AEBP2: variants seen among roughly 807,000 people sequenced by gnomAD.
The protein encoded by AEBP2 is AE binding protein 2.
A neutral mutation model predicts 50.8 loss-of-function variants in AEBP2; 10 were observed. That is an observed-to-expected ratio of 0.20 (90% CI 0.12 to 0.33). The LOEUF (loss-of-function observed/expected upper bound fraction) is 0.33. Among genes scored for constraint, AEBP2 ranks in the 10% least tolerant of loss-of-function variants. The pLI is 1.00. For missense variants in AEBP2, 570 were observed against 688.0 expected (o/e 0.83, Z 1.92); for synonymous variants, 296 against 261.3 (o/e 1.13, Z -1.28).
Position 19,411,602 on chromosome 12 carries a change from A to T in AEBP2, c.-17+7386A>T, listed in dbSNP as rs2095739257. Among the ~76,000 whole-genome samples, 5 of 152,228 alleles carry T rather than the reference A, an allele frequency of 3.3e-5. No homozygotes were observed. In the South Asian group the frequency reaches 1.0e-3, roughly 32 times the overall value. On this transcript the variant is annotated intron_variant, in intron 1 of 3. Transcript: ENST00000538425. ...AGTTAATCCATGTAAAGTTCTCAGAACAGTGCCTGGCACAAGTAAAGACTT... is the reference window on the plus strand; with the variant it reads ...AGTTAATCCATGTAAAGTTCTCAGATCAGTGCCTGGCACAAGTAAAGACTT...
At chr12:19,410,075 C>T (rs1432151129) in intron 1 of AEBP2, among the ~76,000 whole-genome samples, 1 of 152,152 alleles carries the variant, frequency 6.6e-6, no homozygotes, top group Non-Finnish European at 1.5e-5. Flanking sequence ...GGCAAGAAAA[C>T]AGAACATGTA....
intron 1 of AEBP2, among the ~76,000 whole-genome samples, chr12:19,410,283 T>C (rs1482999128): frequency 1.3e-5 from 2 of 152,218 alleles, no homozygotes; most frequent in South Asian, 2.1e-4. Context: ...CCCACTCTTA[T>C]ATGTGTACCC....
chr12:19,466,243 C>G (rs950419866), intron 2 of AEBP2, among the ~76,000 whole-genome samples: 1 of 152,018 alleles, frequency 6.6e-6, no homozygotes, highest in African/African-American at 2.4e-5. Context: ...GTTGGTAGAT[C>G]GCTTGAGCTC....
At chr12:19,488,294 T>A (rs1359809270) in intron 3 of AEBP2, among the ~76,000 whole-genome samples, 2 of 150,548 alleles carry the variant, frequency 1.3e-5, no homozygotes, top group African/African-American at 2.4e-5. Context: ...TTTTGTATTT[T>A]TTTTTTTTTT....
intron 1 of AEBP2, among the ~76,000 whole-genome samples, chr12:19,442,800 C>A (rs1168365737): frequency 6.6e-6 from 1 of 152,128 alleles, no homozygotes; most frequent in Non-Finnish European, 1.5e-5. Context: ...TTCTTGTTGC[C>A]TTTGAGATTT....
chr12:19,485,038 A>G (rs1444007582), intron 3 of AEBP2, among the ~76,000 whole-genome samples: 2 of 152,218 alleles, frequency 1.3e-5, no homozygotes, highest in Non-Finnish European at 2.9e-5. Context: ...CACACTAAAT[A>G]TAAGAGATTA....
At chr12:19,459,425 G>T (rs1385524436) in intron 1 of AEBP2, among the ~76,000 whole-genome samples, 1 of 152,038 alleles carries the variant, frequency 6.6e-6, no homozygotes, top group Non-Finnish European at 1.5e-5. Context: ...TAGAGACAGG[G>T]TTTCACTGTG....
chr12:19,493,061 A>G (rs1001648492), intron 3 of AEBP2, among the ~76,000 whole-genome samples: 6 of 152,212 alleles, frequency 3.9e-5, no homozygotes, highest in Non-Finnish European at 8.8e-5. Flanking sequence ...GTGTAACACT[A>G]GGAAGTCTGC....
intron 3 of AEBP2, among the ~76,000 whole-genome samples, chr12:19,477,474 G>A (rs1948665858): frequency 6.6e-6 from 1 of 152,102 alleles, no homozygotes; most frequent in Admixed American, 6.6e-5. Flanking sequence ...TTCTGTGCCA[G>A]TTTTGTTGAG....
At chr12:19,425,680 G>A (rs765145435) in intron 1 of AEBP2, among the ~76,000 whole-genome samples, 7 of 151,336 alleles carry the variant, frequency 4.6e-5, no homozygotes, top group Non-Finnish European at 5.9e-5. Flanking sequence ...GGCTGAGACA[G>A]GAGAATCACT....
intron 3 of AEBP2, among the ~76,000 whole-genome samples, chr12:19,488,290 ATTTTTTTTT>A (rs34804680): frequency 8.4e-6 from 1 of 118,418 alleles, no homozygotes; most frequent in African/African-American, 3.2e-5. Flanking sequence ...TAATTTTTGT[ATTTTTTTTT>A]TTTTTTTTTG....
chr12:19,479,748 T>TTTTTTTTTTTTTTTTTTTTTTA (rs1328091956), intron 3 of AEBP2, among the ~76,000 whole-genome samples: 1 of 114,250 alleles, frequency 8.8e-6, no homozygotes, highest in African/African-American at 3.5e-5. Flanking sequence ...TTTTTTTTTT[T>TTTTTTTTTTTTTTTTTTTTTTA]ACTATTGTTG....
intron 2 of AEBP2, among the ~76,000 whole-genome samples, chr12:19,468,822 T>G (rs1419985719): frequency 6.6e-6 from 1 of 152,252 alleles, no homozygotes; most frequent in African/African-American, 2.4e-5. Flanking sequence ...CTCAGTACTT[T>G]GTAGAGTTCT....
chr12:19,519,651 C>T lies in AEBP2; in HGVS notation c.*1534C>T, dbSNP rs185654927. ...GTGATATAAAAACCAGCAGTTTTTA[C>T]ACTAAATTTTTTAAAGAAATATTAG... On this transcript the variant is annotated 3_prime_UTR_variant, in exon 8 of 8. Coordinates refer to ENST00000266508, the MANE Select transcript of AEBP2 (RefSeq NM_153207.5). 2 of 152,654 alleles carry T rather than the reference C, an allele frequency of 1.3e-5. No homozygotes were observed. The highest frequency in any genetic ancestry group is 3.9e-4 in the East Asian group (2 of 5,190). 9.5% of individuals were successfully genotyped at this position (152,654 alleles called of 1,614,324 possible). A position where few individuals can be genotyped will look rare whatever the true frequency, so the allele number is the denominator to read the frequency against.
At chr12:19,440,983 C>T (rs1947947415) in intron 1 of AEBP2, among the ~76,000 whole-genome samples, 1 of 152,168 alleles carries the variant, frequency 6.6e-6, no homozygotes, top group Non-Finnish European at 1.5e-5. Context: ...GTTTTGGGAG[C>T]ATATCTGGGA....
intron 1 of AEBP2, among the ~76,000 whole-genome samples, chr12:19,426,904 CAAAAT>C (rs879418137): frequency 5.3e-5 from 8 of 151,934 alleles, no homozygotes; most frequent in Admixed American, 5.2e-4. Flanking sequence ...CAAAAACAAA[CAAAAT>C]AACCAAAAAA....
chr12:19,494,919 A>AT (rs901395214), intron 4 of AEBP2, among the ~76,000 whole-genome samples: 7 of 151,406 alleles, frequency 4.6e-5, no homozygotes, highest in Admixed American at 1.3e-4. Flanking sequence ...TATTATTATT[A>AT]TTTTTTTGAT....
At chr12:19,443,756 T>C (rs1272053345) in intron 1 of AEBP2, among the ~76,000 whole-genome samples, 1 of 152,038 alleles carries the variant, frequency 6.6e-6, no homozygotes, top group Admixed American at 6.6e-5. Flanking sequence ...GACATAGATA[T>C]TAGAGGTTAT....
Position 19,439,989 on chromosome 12 carries a change from A to G in AEBP2, c.290A>G (p.Glu97Gly), listed in dbSNP as rs1431627355. Residue 97 changes from glutamate (E) to glycine (G), a missense_variant, in exon 1 of 8, where the codon GAA becomes GGA. Around this residue, in one of 2 missense-constraint regions of AEBP2, gnomAD observed 386 missense variants for 336.8 expected, o/e 1.15. Transcript: ENST00000266508. Reference sequence around the variant, plus strand: ...AGCGCCAGCCAGGCCGGGGAGGACGAAGACGAGGAGGAGGACGACGAGGAG... The same window carrying G: ...AGCGCCAGCCAGGCCGGGGAGGACGGAGACGAGGAGGAGGACGACGAGGAG... ...PESASQAGEDEDEEEDDEEEE... is the reference protein window; with the variant it reads ...PESASQAGEDGDEEEDDEEEE... The G allele has an allele frequency of 2.0e-6, 3 of 1,522,658 alleles. No homozygotes were observed. The highest frequency in any genetic ancestry group is 1.8e-6 in the Non-Finnish European group (2 of 1,141,484). The allele number at this position is 1,522,658 out of a possible 1,614,324, so 94.3% of individuals were successfully genotyped here.
Sources: allele counts gnomAD v4.1 joint callset (sites outside exome capture counted in the v4.1 genomes callset), GRCh38; gene constraint gnomAD v4.1.1; regional missense constraint gnomAD v4.1.1; transcripts MANE v1.5; gene names NCBI Gene and HGNC (gene_info 2026-07-23, HGNC 2026-07-21).